DYNAP: variants seen among roughly 807,000 people sequenced by gnomAD.
DYNAP encodes dynactin-associated protein.
In DYNAP, 7 loss-of-function variants were observed where a neutral mutation model predicts 8.5. The observed-to-expected ratio is 0.82, with a 90% CI of 0.47 to 1.54. The LOEUF is 1.54. DYNAP is among the 40% of genes most tolerant of loss of function. DYNAP has a pLI of 0.01. For synonymous variants in DYNAP, 77 were observed against 77.9 expected (o/e 0.99, Z 0.06); for missense variants, 256 against 224.3 (o/e 1.14, Z -0.90).
chr18:54,591,878 A>G (rs1911090993), intron 1 of DYNAP, among the ~76,000 whole-genome samples: 2 of 152,174 alleles, frequency 1.3e-5, no homozygotes, highest in African/African-American at 2.4e-5. Flanking sequence ...CCTTCAGTGT[A>G]TAGTTATCAT....
intron 1 of DYNAP, among the ~76,000 whole-genome samples, chr18:54,593,908 T>C (rs1364076499): frequency 6.6e-6 from 1 of 152,114 alleles, no homozygotes; most frequent in East Asian, 1.9e-4. Flanking sequence ...CACTACAGCC[T>C]GGGTTACAGA....
At chr18:54,586,090 GC>G (rs1910868889), upstream of DYNAP, among the ~76,000 whole-genome samples, 1 of 152,110 alleles carries the variant, frequency 6.6e-6, no homozygotes, top group Admixed American at 6.5e-5. Flanking sequence ...TTCTCTATTT[GC>G]CCCATCTTTT....
At chr18:54,582,329 A>G in the DYNAP span, among the ~76,000 whole-genome samples, 1 of 152,110 alleles carries the variant, frequency 6.6e-6, no homozygotes, top group East Asian at 1.9e-4. Flanking sequence ...CTGTAGTGTT[A>G]TTGTATACAG....
At chr18:54,588,749 A>C (rs1910966169), upstream of DYNAP, among the ~76,000 whole-genome samples, 1 of 152,198 alleles carries the variant, frequency 6.6e-6, no homozygotes, top group Non-Finnish European at 1.5e-5. Flanking sequence ...CAGCTTTGTA[A>C]AAAATACAAT....
chr18:54,576,536 C>T, the DYNAP span, among the ~76,000 whole-genome samples: 2 of 152,052 alleles, frequency 1.3e-5, no homozygotes, highest in Non-Finnish European at 2.9e-5. Context: ...CAGTGGCTCG[C>T]ACCTGTAATC....
the DYNAP span, among the ~76,000 whole-genome samples, chr18:54,577,653 A>C: frequency 6.6e-6 from 1 of 151,744 alleles, no homozygotes. Context: ...TTGTCTCAAA[A>C]GAAAAGAAAA....
chr18:54,580,512 C>T, the DYNAP span, among the ~76,000 whole-genome samples: 1 of 152,356 alleles, frequency 6.6e-6, no homozygotes, highest in Non-Finnish European at 1.5e-5. Context: ...ACCAGCACAT[C>T]AGCTGAGACA....
chr18:54,586,872 T>C (rs1910899503), upstream of DYNAP, among the ~76,000 whole-genome samples: 1 of 152,218 alleles, frequency 6.6e-6, no homozygotes, highest in Non-Finnish European at 1.5e-5. Flanking sequence ...ATGTCAGTAA[T>C]ACTATGGTAA....
chr18:54,597,790 G>A, intron 2 of DYNAP, 23 bp from the exon 3 acceptor site: 1 of 1,569,996 alleles, frequency 6.4e-7, no homozygotes, highest in Non-Finnish European at 8.6e-7. Flanking sequence ...TTTCATTGCT[G>A]ATATTTTTAT....
At chr18:54,589,292 C>A (rs1468627268), upstream of DYNAP, among the ~76,000 whole-genome samples, 1 of 152,092 alleles carries the variant, frequency 6.6e-6, no homozygotes, top group Non-Finnish European at 1.5e-5. Flanking sequence ...TTTCAGATTT[C>A]TTTTTGGTTA....
At position 54,598,332 on chromosome 18, in the gene DYNAP, C is replaced by A; in HGVS notation, c.*187C>A. 1.7e-6 allele frequency: 1 copy of A among 592,070 alleles called. No individual in the cohort carries two copies. Among genetic ancestry groups the A allele is most frequent in the Non-Finnish European group, 2.9e-6 (1 of 348,412 alleles). The allele number at this position is 592,070 out of a possible 1,614,324, so 36.7% of individuals were successfully genotyped here. ...ACTTCAACTTAAACTTACTTGACAACTCAAATAATCACCACTTCGACCATC... is the reference window on the plus strand; with the variant it reads ...ACTTCAACTTAAACTTACTTGACAAATCAAATAATCACCACTTCGACCATC... On this transcript the variant is annotated 3_prime_UTR_variant, in exon 3 of 3. Transcript: ENST00000648945.
chr18:54,576,662 GA>G, the DYNAP span, among the ~76,000 whole-genome samples: 1 of 151,610 alleles, frequency 6.6e-6, no homozygotes, highest in Non-Finnish European at 1.5e-5. Flanking sequence ...AATGAGCTGA[GA>G]GTGGTGGTGC....
In DYNAP at chr18:54,597,881, G is replaced by C; in HGVS notation, c.291G>C (p.Val97=). ...TCCTGGCTTGTCTCTTAGCCTGTGT[G>C]ATAATGACAGCAATTGGAGTACTTA... ...KVFLACLLAC[V]IMTAIGVLII... The change falls in exon 3 of 3, where the codon GTG becomes GTC. Residue 97 remains valine, a synonymous_variant. Coordinates refer to ENST00000648945, the MANE Select transcript of DYNAP (RefSeq NM_173629.3). 6.2e-6 allele frequency: 10 copies of C among 1,613,596 alleles called. No individual in the cohort carries two copies. Among genetic ancestry groups the C allele is most frequent in the Non-Finnish European group, 8.5e-6 (10 of 1,179,718 alleles).
chr18:54,586,051 T>G (rs1046394028), upstream of DYNAP, among the ~76,000 whole-genome samples: 3 of 152,178 alleles, frequency 2.0e-5, no homozygotes, highest in African/African-American at 7.2e-5. Flanking sequence ...GATAACCTAG[T>G]TATGGTTCTG....
At chr18:54,577,872 C>G in the DYNAP span, among the ~76,000 whole-genome samples, 6 of 147,738 alleles carry the variant, frequency 4.1e-5, no homozygotes, top group Non-Finnish European at 7.4e-5. Flanking sequence ...GAGGCTGAGG[C>G]AGAAGAATCG....
In DYNAP at chr18:54,598,158, T is replaced by G. The variant is rs1373409233; in HGVS notation, c.*13T>G. On this transcript the variant is annotated 3_prime_UTR_variant, in exon 3 of 3. Coordinates refer to ENST00000648945, the MANE Select transcript of DYNAP (RefSeq NM_173629.3). ...CGATCATTTATAATTTGAACAGCCATAGCCATCACTTCAACTGAAACTTCA... is the reference window on the plus strand; with the variant it reads ...CGATCATTTATAATTTGAACAGCCAGAGCCATCACTTCAACTGAAACTTCA... 1 of 1,589,106 alleles carries G rather than the reference T, an allele frequency of 6.3e-7. No homozygotes were observed. Among genetic ancestry groups the G allele is most frequent in the Non-Finnish European group, 8.6e-7 (1 of 1,165,952 alleles).
upstream of DYNAP, chr18:54,591,088 A>C: frequency 3.8e-6 from 4 of 1,061,806 alleles, no homozygotes; most frequent in Non-Finnish European, 5.2e-6. Flanking sequence ...TTCTGCAGTT[A>C]ACATTTCATT....
chr18:54,597,662 C>T lies in DYNAP; in HGVS notation c.223-151C>T, dbSNP rs549111113. On this transcript the variant is annotated intron_variant, in intron 2 of 2. Transcript: ENST00000648945. ...AGGGACAGCAGACAATTATTTCCAC[C>T]TGCATGAAAACATGGACTTCAAGCC... The T allele has an allele frequency of 2.4e-4, 192 of 803,810 alleles. No individual in the cohort carries two copies. The African/African-American group carries it at 2.9e-3, about 12-fold the overall frequency. 49.8% of individuals were successfully genotyped at this position (803,810 alleles called of 1,614,324 possible).
At chr18:54,593,219 TTAA>T (rs1359045533) in intron 1 of DYNAP, among the ~76,000 whole-genome samples, 31 of 152,262 alleles carry the variant, frequency 2.0e-4, no homozygotes, top group African/African-American at 6.0e-4. Context: ...TTTTGTATTT[TTAA>T]TAATAATTCC....
Sources: allele counts gnomAD v4.1 joint callset (sites outside exome capture counted in the v4.1 genomes callset), GRCh38; gene constraint gnomAD v4.1.1; transcripts MANE v1.5; gene names NCBI Gene and HGNC (gene_info 2026-07-23, HGNC 2026-07-21).